The following TNRC18 variants were observed in gnomAD, a reference collection of about 807,000 sequenced individuals.
The protein encoded by TNRC18 is trinucleotide repeat containing 18.
A neutral mutation model predicts 226.7 loss-of-function variants in TNRC18; 69 were observed. The ratio of observed to expected loss-of-function variants is 0.30; its 90% CI spans 0.25 to 0.37. TNRC18 has a LOEUF of 0.37. Ranked by LOEUF, TNRC18 falls within the 10% of genes least tolerant of loss-of-function variation. TNRC18 has a pLI of 1.00. For missense variants in TNRC18, 4,754 were observed against 4,256.6 expected, an observed-to-expected ratio of 1.12 and a Z score of -3.25; for synonymous variants, 2,449 against 1,927.6, an observed-to-expected ratio of 1.27 and a Z score of -7.09.
At position 5,309,264 on chromosome 7, in the gene TNRC18, G is replaced by A. The variant is rs750081109; in HGVS notation, c.8493C>T (p.Gly2831=). ...GGCCGATGTAGGGCAGGTTGGGGCG[G>A]CCGGCAGAGAGGAACACGGCACAGT... The part of the protein sequence containing the change: ...IGDCAVFLSA[G]RPNLPYIGRI... Residue 2831 remains glycine (G), a synonymous_variant, in exon 28 of 30, where the codon GGC becomes GGT. Coordinates refer to ENST00000430969, the MANE Select transcript of TNRC18 (RefSeq NM_001080495.3). This position sits in a 1 kb window ranked among gnomAD's most constrained non-coding sequence, Gnocchi z 5.7. The A allele has an allele frequency of 1.4e-5, 23 of 1,613,766 alleles. No individual in the cohort carries two copies. The South Asian group carries it at 1.9e-4, about 13-fold the overall frequency.
intron 14 of TNRC18, 134 bp downstream of exon 14, chr7:5,361,460 G>A: frequency 8.9e-7 from 1 of 1,120,388 alleles, no homozygotes; most frequent in Non-Finnish European, 1.2e-6. Context: ...CTCCCCGAGG[G>A]CCACTGCTGC....
chr7:5,368,911 G>A (rs142591151), intron 11 of TNRC18, among the ~76,000 whole-genome samples: 3 of 152,112 alleles, frequency 2.0e-5, no homozygotes, highest in Non-Finnish European at 4.4e-5. Context: ...AGCATTCAGT[G>A]CCCTTTCTGC....
At chr7:5,382,470 G>A (rs921959485) in intron 5 of TNRC18, among the ~76,000 whole-genome samples, 5 of 152,168 alleles carry the variant, frequency 3.3e-5, no homozygotes, top group African/African-American at 4.8e-5. Flanking sequence ...CAGAGGCCCC[G>A]TTCCCATGGC....
intron 17 of TNRC18, among the ~76,000 whole-genome samples, chr7:5,349,732 G>A (rs892733791): frequency 1.3e-5 from 2 of 152,222 alleles, no homozygotes; most frequent in South Asian, 2.1e-4. Context: ...CATTCAAAGC[G>A]TCATGGGGAG....
At position 5,392,187 on chromosome 7, in the gene TNRC18, G is replaced by A. The variant is rs115284445; in HGVS notation, c.344-1559C>T. Among the ~76,000 whole-genome samples the A allele has an allele frequency of 9.8e-3, 1,486 of 152,250 alleles. 24 individuals carry two copies. Among genetic ancestry groups the A allele is most frequent in the African/African-American group, 0.034 (1,394 of 41,568 alleles). On this transcript the variant is annotated intron_variant, in intron 3 of 29. Coordinates refer to ENST00000430969, the MANE Select transcript of TNRC18 (RefSeq NM_001080495.3). Reference sequence around the variant, plus strand: ...AATCATTCAAACAGCACTCCCAGCCGGAGCAGTGGCTCATGCCTGTAATCC... The same window carrying A: ...AATCATTCAAACAGCACTCCCAGCCAGAGCAGTGGCTCATGCCTGTAATCC...
intron 18 of TNRC18, among the ~76,000 whole-genome samples, chr7:5,335,166 G>T (rs942335672): frequency 6.6e-6 from 1 of 151,790 alleles, no homozygotes. Context: ...AGCCGGGCAT[G>T]GTGGCGGGTG....
At chr7:5,376,820 T>C (rs776585544) in intron 8 of TNRC18, 27 bp downstream of exon 8, 4 of 1,604,398 alleles carry the variant, frequency 2.5e-6, no homozygotes, top group Non-Finnish European at 3.4e-6. Flanking sequence ...GTCTGGCCCA[T>C]GGTGGCCACA....
chr7:5,389,349 G>T lies in TNRC18; in HGVS notation c.488-13C>A. The T allele has an allele frequency of 1.6e-6, 2 of 1,264,296 alleles. No individual in the cohort carries two copies. Among genetic ancestry groups the T allele is most frequent in the Non-Finnish European group, 9.9e-7 (1 of 1,005,608 alleles). The allele number at this position is 1,264,296 out of a possible 1,614,324, so 78.3% of individuals were successfully genotyped here. A position where few individuals can be genotyped will look rare whatever the true frequency, so the allele number is the denominator to read the frequency against. ...AGGTAGAAACCGTCTGCGGAGAAGG[G>T]AACAGCAGGCAGTGAGCGAGCGCCA... On this transcript the variant is annotated splice_polypyrimidine_tract_variant and intron_variant, in intron 4 of 29. Coordinates refer to ENST00000430969, the MANE Select transcript of TNRC18 (RefSeq NM_001080495.3).
Position 5,394,389 on chromosome 7 carries a change from C to A in TNRC18, c.343+51G>T. The A allele has an allele frequency of 6.8e-7, 1 of 1,463,270 alleles. No individual in the cohort carries two copies. Among genetic ancestry groups the A allele is most frequent in the South Asian group, 1.4e-5 (1 of 71,846 alleles). The allele number at this position is 1,463,270 out of a possible 1,614,324, so 90.6% of individuals were successfully genotyped here. Reference sequence around the variant, plus strand: ...GGGGCACATGAAGTGGCCAGAGTGGCTGGGACGTCAGCCCAGCAGCCCTCA... The same window carrying A: ...GGGGCACATGAAGTGGCCAGAGTGGATGGGACGTCAGCCCAGCAGCCCTCA... On this transcript the variant is annotated intron_variant, in intron 3 of 29. Coordinates refer to ENST00000430969, the MANE Select transcript of TNRC18 (RefSeq NM_001080495.3). The surrounding 1 kb of genome is among the most constrained non-coding windows in gnomAD (Gnocchi z 4.5).
At chr7:5,344,630 C>T (rs1029499235) in intron 18 of TNRC18, among the ~76,000 whole-genome samples, 21 of 152,242 alleles carry the variant, frequency 1.4e-4, no homozygotes, top group Middle Eastern at 3.4e-3. Context: ...GTTTTCCTGT[C>T]CTAGCCCCTG....
chr7:5,343,639 C>T (rs979049869), intron 18 of TNRC18, among the ~76,000 whole-genome samples: 5 of 152,166 alleles, frequency 3.3e-5, no homozygotes, highest in Non-Finnish European at 7.4e-5. Flanking sequence ...GTTGCCCAGG[C>T]CGGTCTTGAA....
intron 15 of TNRC18, 72 bp downstream of exon 15, chr7:5,359,326 C>T (rs1354189015): frequency 4.7e-5 from 71 of 1,508,964 alleles, no homozygotes; most frequent in South Asian, 1.9e-4. Context: ...GCGAAGGGAG[C>T]GTGAACTCTT....
intron 10 of TNRC18, among the ~76,000 whole-genome samples, chr7:5,373,475 G>A (rs937016720): frequency 6.6e-6 from 1 of 152,164 alleles, no homozygotes; most frequent in African/African-American, 2.4e-5. Flanking sequence ...GACAGGCGCC[G>A]GGCCAAGCTC....
At chr7:5,362,617 C>T (rs373745026) in intron 12 of TNRC18, 33 bp downstream of exon 12, 93 of 1,506,656 alleles carry the variant, frequency 6.2e-5, no homozygotes, top group Non-Finnish European at 8.3e-5. Flanking sequence ...GCCTCCCCCG[C>T]GGACCCCAGG....
chr7:5,387,818 G>A lies in TNRC18; in HGVS notation c.2006C>T (p.Ser669Phe). ...ESAKAFGREG[S>F]GAQGEAEVRH... ...CACTTCTGCCTCACCCTGGGCACCA[G>A]AGCCCTCGCGCCCGAAAGCTTTGGC... The change falls in exon 5 of 30, where the codon TCT becomes TTT. Residue 669 changes from serine to phenylalanine, a missense_variant. Coordinates refer to ENST00000430969, the MANE Select transcript of TNRC18 (RefSeq NM_001080495.3). The A allele has an allele frequency of 1.2e-6, 2 of 1,607,106 alleles. No individual in the cohort carries two copies. Among genetic ancestry groups the A allele is most frequent in the Non-Finnish European group, 1.7e-6 (2 of 1,179,566 alleles).
chr7:5,319,761 C>T (rs1371137824), intron 24 of TNRC18, among the ~76,000 whole-genome samples: 14 of 152,166 alleles, frequency 9.2e-5, no homozygotes, highest in African/African-American at 3.4e-4. Flanking sequence ...CCACCCACCT[C>T]GGCCTCCCAA....
At position 5,394,269 on chromosome 7, in the gene TNRC18, T is replaced by C. The variant is rs1780501508; in HGVS notation, c.343+171A>G. Among the ~76,000 whole-genome samples the C allele has an allele frequency of 6.6e-6, 1 of 151,916 alleles. No homozygotes were observed. The highest frequency in any genetic ancestry group is 6.6e-5 in the Admixed American group (1 of 15,260). ...GGAAACAGCTCATACAAATGCCCTG[T>C]GACAGTGACAAGAAGAAGCCCTGAG... On this transcript the variant is annotated intron_variant, in intron 3 of 29. Coordinates refer to ENST00000430969, the MANE Select transcript of TNRC18 (RefSeq NM_001080495.3). This position sits in a 1 kb window ranked among gnomAD's most constrained non-coding sequence, Gnocchi z 4.5.
rs772624719 is a variant in TNRC18 at position 5,370,644 on chromosome 7, A to G, written c.3950T>C (p.Leu1317Pro). Residue 1317 changes from leucine to proline, a missense_variant, in exon 11 of 30, where the codon CTC becomes CCC. Physicochemically the swap from Leu to Pro is moderately conservative, Grantham distance 98. Transcript: ENST00000430969. ...CTCTTCCAGGAAGCAGGTGCTGCCG[A>G]GTACAGGCACGGCCTCTTGGGGCTC... is the stretch of plus-strand genomic sequence containing the variant. Reference protein sequence around the residue: ...SLEPQEAVPVLGSTCFLEEAS... With the variant: ...SLEPQEAVPVPGSTCFLEEAS... 6 of 1,612,896 alleles carry G rather than the reference A, an allele frequency of 3.7e-6. No individual in the cohort carries two copies. In the South Asian group the frequency reaches 6.6e-5, roughly 18 times the overall value.
chr7:5,330,819 AC>A (rs2128125574), intron 19 of TNRC18, among the ~76,000 whole-genome samples: 1 of 152,044 alleles, frequency 6.6e-6, no homozygotes, highest in South Asian at 2.1e-4. Flanking sequence ...GATTACAGGC[AC>A]CCGCCACCAT....
Sources: allele counts gnomAD v4.1 joint callset (sites outside exome capture counted in the v4.1 genomes callset), GRCh38; gene constraint gnomAD v4.1.1; non-coding constraint Gnocchi (gnomAD v3.1); transcripts MANE v1.5; gene names NCBI Gene and HGNC (gene_info 2026-07-23, HGNC 2026-07-21).